The following UBAC2 variants were observed in gnomAD, a reference collection of about 807,000 sequenced individuals.
The protein encoded by UBAC2 is UBA domain containing 2.
In UBAC2, 26 loss-of-function variants were observed where a neutral mutation model predicts 44.0. The observed-to-expected ratio is 0.59, with a 90% CI of 0.43 to 0.82. UBAC2 has a LOEUF of 0.82. Among genes scored for constraint, UBAC2 ranks in the 40% least tolerant of loss-of-function variants. UBAC2 has a pLI of 0.00. For missense variants in UBAC2, 329 were observed against 419.4 expected, an observed-to-expected ratio of 0.78 and a Z score of 1.88; for synonymous variants, 155 against 154.3, an observed-to-expected ratio of 1.00 and a Z score of -0.04.
intron 7 of UBAC2, among the ~76,000 whole-genome samples, chr13:99,348,771 G>T (rs897993352): frequency 6.6e-6 from 1 of 152,204 alleles, no homozygotes; most frequent in African/African-American, 2.4e-5. Flanking sequence ...AGCGCTTTGG[G>T]AGGCCAAGGC....
At chr13:99,236,164 A>G (rs1235178381) in intron 1 of UBAC2, among the ~76,000 whole-genome samples, 1 of 152,198 alleles carries the variant, frequency 6.6e-6, no homozygotes, top group Non-Finnish European at 1.5e-5. Context: ...TTTGTGTAAG[A>G]TCTCAAAAGC....
intron 2 of UBAC2, among the ~76,000 whole-genome samples, chr13:99,241,772 G>T (rs1262934993): frequency 6.8e-6 from 1 of 146,532 alleles, no homozygotes; most frequent in Non-Finnish European, 1.5e-5. Context: ...TCATTCTTGG[G>T]TGTTTCTCGC....
intron 6 of UBAC2, among the ~76,000 whole-genome samples, chr13:99,339,239 G>A (rs1052605600): frequency 6.6e-5 from 10 of 152,124 alleles, no homozygotes; most frequent in Non-Finnish European, 1.0e-4. Context: ...ATCAAGTCAC[G>A]GGCACCGCAT....
chr13:99,279,223 T>C (rs2043922306), intron 4 of UBAC2, among the ~76,000 whole-genome samples: 1 of 152,104 alleles, frequency 6.6e-6, no homozygotes, highest in African/African-American at 2.4e-5. Flanking sequence ...ACTGGTTTGG[T>C]TAGCCCTACC....
intron 5 of UBAC2, among the ~76,000 whole-genome samples, chr13:99,315,473 A>C (rs1400233390): frequency 6.6e-6 from 1 of 152,158 alleles, no homozygotes; most frequent in Non-Finnish European, 1.5e-5. Flanking sequence ...GCTATGTAGA[A>C]TCTTTGAGAA....
intron 1 of UBAC2, chr13:99,201,573 G>A: frequency 6.2e-7 from 1 of 1,613,768 alleles, no homozygotes; most frequent in Non-Finnish European, 8.5e-7. Flanking sequence ...AGCAGGTAGG[G>A]GGCGGAGTAT....
intron 8 of UBAC2, among the ~76,000 whole-genome samples, chr13:99,383,100 G>A (rs1328422122): frequency 6.6e-6 from 1 of 152,164 alleles, no homozygotes; most frequent in Non-Finnish European, 1.5e-5. Context: ...CTGGCAGTGA[G>A]GCCAGGGCAC....
chr13:99,243,132 T>C (rs1407522561), intron 2 of UBAC2, among the ~76,000 whole-genome samples: 2 of 152,260 alleles, frequency 1.3e-5, no homozygotes, highest in East Asian at 3.9e-4. Flanking sequence ...AAGGTCATTG[T>C]GAAGGGGAAA....
rs542355460 is a variant in UBAC2, at chr13:99,332,080, A to G, written c.562-8240A>G. On this transcript the variant is annotated intron_variant, in intron 6 of 8. Transcript: ENST00000403766. ...TCATGCCCCTGGGAAAGCAGCCCCT[A>G]GGTTTGTCCTGTTGTCCCAGTAGAT... is the stretch of plus-strand genomic sequence containing the variant. Among the ~76,000 whole-genome samples, 3 of 152,184 alleles carry G rather than the reference A, an allele frequency of 2.0e-5. No individual in the cohort carries two copies. In the East Asian group the frequency reaches 5.8e-4, roughly 29 times the overall value.
At chr13:99,313,583 C>A (rs1325233301) in intron 4 of UBAC2, among the ~76,000 whole-genome samples, 2 of 151,584 alleles carry the variant, frequency 1.3e-5, no homozygotes, top group African/African-American at 4.9e-5. Flanking sequence ...CATGGAGAAG[C>A]CAGAAGAGTG....
rs1241398400 is a variant in UBAC2 at position 99,340,355 on chromosome 13, G to T, written c.597G>T (p.Gln199His). The change falls in exon 7 of 9, where the codon CAG becomes CAT. Residue 199 changes from glutamine (Q) to histidine (H), a missense_variant. Physicochemically the swap from Gln to His is conservative, Grantham distance 24. Coordinates refer to ENST00000403766, the MANE Select transcript of UBAC2 (RefSeq NM_001144072.2). ...SGLCYDSKMF[Q>H]VHQVLCIPSW... ...TGTGCTACGACAGCAAAATGTTCCA[G>T]GTGCATCAGGTGCTCTGCATCCCCA... is the stretch of plus-strand genomic sequence containing the variant. The T allele has an allele frequency of 6.2e-7, 1 of 1,614,186 alleles. No homozygotes were observed.
Position 99,379,100 on chromosome 13 carries a change from A to G in UBAC2, c.928-6128A>G, listed in dbSNP as rs187343199. ...AATCAGAAAAGATATCCCTAGTTAA[A>G]CATGCCTTTTTGTTAGCATAATAAT... On this transcript the variant is annotated intron_variant, in intron 8 of 8. Coordinates refer to ENST00000403766, the MANE Select transcript of UBAC2 (RefSeq NM_001144072.2). 9.2e-5 allele frequency among the ~76,000 whole-genome samples: 14 copies of G among 152,358 alleles called. 1 individual carries two copies. In the East Asian group the frequency reaches 1.2e-3, roughly 13 times the overall value.
In UBAC2 at chr13:99,385,491, T is replaced by A; in HGVS notation, c.*156T>A. The A allele has an allele frequency of 1.7e-6, 1 of 597,366 alleles. No individual in the cohort carries two copies. Among genetic ancestry groups the A allele is most frequent in the Non-Finnish European group, 3.0e-6 (1 of 334,802 alleles). 37.0% of individuals were successfully genotyped at this position (597,366 alleles called of 1,614,324 possible). On this transcript the variant is annotated 3_prime_UTR_variant, in exon 9 of 9. Transcript: ENST00000403766. The stretch of plus-strand genomic sequence containing the variant: ...CCCCTGCCCTCAACCGCAAGACTGT[T>A]GCCGTTTTAGTGTGGAGATAAGTTT...
At chr13:99,274,927 C>T (rs926756026) in intron 4 of UBAC2, among the ~76,000 whole-genome samples, 1 of 151,682 alleles carries the variant, frequency 6.6e-6, no homozygotes, top group Non-Finnish European at 1.5e-5. Context: ...CATGTTGCCC[C>T]GGCTGGTCTC....
rs190370006 is a variant in UBAC2, at chr13:99,291,554, G to A, written c.390-22543G>A. Among the ~76,000 whole-genome samples the A allele has an allele frequency of 3.5e-4, 54 of 152,234 alleles. 2 individuals carry two copies. The East Asian group carries it at 9.2e-3, about 26-fold the overall frequency. Reference sequence around the variant, plus strand: ...GATCAGTGCTTCCCCTTCTAAAATCGCATGCCACCTTGTACTCAATGGTAG... The same window carrying A: ...GATCAGTGCTTCCCCTTCTAAAATCACATGCCACCTTGTACTCAATGGTAG... On this transcript the variant is annotated intron_variant, in intron 4 of 8. Transcript: ENST00000403766.
intron 4 of UBAC2, among the ~76,000 whole-genome samples, chr13:99,292,464 C>G (rs2044104053): frequency 1.3e-5 from 2 of 152,070 alleles, no homozygotes; most frequent in African/African-American, 4.8e-5. Flanking sequence ...CTAATGCTGC[C>G]TTTAATTTAT....
intron 2 of UBAC2, among the ~76,000 whole-genome samples, chr13:99,242,679 G>T (rs2043326860): frequency 4.6e-4 from 1 of 2,166 alleles, no homozygotes; most frequent in Non-Finnish European, 1.1e-3. Context: ...GCCGGGCGGG[G>T]GGCTGACCCC....
chr13:99,366,730 G>T (rs1340229873), intron 7 of UBAC2, among the ~76,000 whole-genome samples: 1 of 152,062 alleles, frequency 6.6e-6, no homozygotes, highest in African/African-American at 2.4e-5. Context: ...ACCCAAGGCC[G>T]CATCTTCCGA....
Position 99,345,476 on chromosome 13 carries a change from T to C in UBAC2, c.807+4911T>C, listed in dbSNP as rs975453374. The stretch of plus-strand genomic sequence containing the variant: ...TGCTGTACTCTGGATCGAGCTCTCC[T>C]TCCTCTGTTCACTCCCTAAATAGGT... On this transcript the variant is annotated intron_variant, in intron 7 of 8. Transcript: ENST00000403766. Among the ~76,000 whole-genome samples, 7 of 152,240 alleles carry C rather than the reference T, an allele frequency of 4.6e-5. 1 individual carries two copies. The highest frequency in any genetic ancestry group is 2.0e-4 in the Admixed American group (3 of 15,298).
Sources: allele counts gnomAD v4.1 joint callset (sites outside exome capture counted in the v4.1 genomes callset), GRCh38; gene constraint gnomAD v4.1.1; transcripts MANE v1.5; gene names NCBI Gene and HGNC (gene_info 2026-07-23, HGNC 2026-07-21).